The following MARCHF1 variants were observed in gnomAD, a reference collection of about 807,000 sequenced individuals.
MARCHF1 encodes the protein E3 ubiquitin-protein ligase MARCHF1.
In MARCHF1, 40 loss-of-function variants were observed where a neutral mutation model predicts 54.2. That is an observed-to-expected ratio of 0.74 (90% confidence interval 0.57 to 0.96). MARCHF1 has a LOEUF of 0.96. Among genes scored for constraint, MARCHF1 ranks in the 40% least tolerant of loss-of-function variants. The probability of loss-of-function intolerance (pLI) is 0.00; values close to 1 mark genes in which losing one functional copy is unlikely to be tolerated. For missense variants in MARCHF1, 586 were observed against 656.5 expected, an observed-to-expected ratio of 0.89 and a Z score of 1.17; for synonymous variants, 236 against 236.3, an observed-to-expected ratio of 1.00 and a Z score of 0.01.
intron 4 of MARCHF1, among the ~76,000 whole-genome samples, chr4:163,744,442 T>C (rs1746298553): frequency 6.6e-6 from 1 of 152,204 alleles, no homozygotes; most frequent in Non-Finnish European, 1.5e-5. Flanking sequence ...GTCAGCACCA[T>C]GTATTAGAAT....
At chr4:164,063,175 T>C (rs577626621) in intron 2 of MARCHF1, among the ~76,000 whole-genome samples, 1 of 152,266 alleles carries the variant, frequency 6.6e-6, no homozygotes, top group African/African-American at 2.4e-5. Context: ...GAATGGCAAA[T>C]AAGCATTGGC....
intron 4 of MARCHF1, among the ~76,000 whole-genome samples, chr4:163,777,954 T>C (rs1007243213): frequency 6.6e-6 from 1 of 152,194 alleles, no homozygotes; most frequent in South Asian, 2.1e-4. Context: ...TTAGTGGCCA[T>C]TGGCAACCAC....
intron 4 of MARCHF1, among the ~76,000 whole-genome samples, chr4:163,733,161 C>G (rs1745895690): frequency 1.0e-5 from 1 of 98,146 alleles, no homozygotes; most frequent in Non-Finnish European, 2.0e-5. Flanking sequence ...CTCTCTCTCT[C>G]TCTCTCTGTA....
At chr4:164,016,560 G>C (rs145109058) in intron 2 of MARCHF1, among the ~76,000 whole-genome samples, 269 of 152,230 alleles carry the variant, frequency 1.8e-3, no homozygotes, top group African/African-American at 6.0e-3. Flanking sequence ...GCCAGGAAGA[G>C]AAAGACAAAT....
chr4:164,213,630 TATCA>T (rs1731843178), intron 1 of MARCHF1, among the ~76,000 whole-genome samples: 1 of 152,128 alleles, frequency 6.6e-6, no homozygotes, highest in African/African-American at 2.4e-5. Context: ...AAAATTAGGT[TATCA>T]ATATTTTTAA....
chr4:163,859,639 G>T (rs1749868873), intron 3 of MARCHF1, among the ~76,000 whole-genome samples: 1 of 152,094 alleles, frequency 6.6e-6, no homozygotes, highest in Non-Finnish European at 1.5e-5. Context: ...GGGATTATAG[G>T]CATAAGCCAC....
intron 4 of MARCHF1, among the ~76,000 whole-genome samples, chr4:163,785,231 C>T (rs895300689): frequency 3.3e-5 from 5 of 152,034 alleles, no homozygotes; most frequent in African/African-American, 1.2e-4. Flanking sequence ...TGAAGATCTC[C>T]ATAGTCACAA....
rs955456738 is a variant in MARCHF1 at position 164,102,681 on chromosome 4, C to A, written c.-248+8907G>T. Among the ~76,000 whole-genome samples, 1,409 of 151,686 alleles carry A rather than the reference C, an allele frequency of 9.3e-3. 21 individuals carry two copies. The highest frequency in any genetic ancestry group is 0.061 in the East Asian group (314 of 5,164). On this transcript the variant is annotated intron_variant, in intron 2 of 9. Transcript: ENST00000514618. ...AATCATGCCAAAATGTAAAGACCATCGAGACTAGGAAGAAACTGCATCAAC... is the reference window on the plus strand; with the variant it reads ...AATCATGCCAAAATGTAAAGACCATAGAGACTAGGAAGAAACTGCATCAAC...
At chr4:163,627,680 G>GA (rs35911517) in intron 5 of MARCHF1, among the ~76,000 whole-genome samples, 53,470 of 150,018 alleles carry the variant, frequency 0.36, 9,829 homozygotes, top group Non-Finnish European at 0.42. Flanking sequence ...TAGTCTATAG[G>GA]AAAAAAAAAC....
At chr4:164,380,743 C>T (rs1731341821) in intron 1 of MARCHF1, among the ~76,000 whole-genome samples, 1 of 152,194 alleles carries the variant, frequency 6.6e-6, no homozygotes, top group South Asian at 2.1e-4. Flanking sequence ...CGTTGACTTT[C>T]ACTGTTGTAT....
At chr4:163,624,802 A>G (rs1230228905) in intron 5 of MARCHF1, among the ~76,000 whole-genome samples, 2 of 152,304 alleles carry the variant, frequency 1.3e-5, no homozygotes, top group Non-Finnish European at 1.5e-5. Flanking sequence ...CTTTCTTTCA[A>G]TTCAATGCAG....
intron 1 of MARCHF1, among the ~76,000 whole-genome samples, chr4:164,185,719 T>C (rs1035415826): frequency 6.6e-6 from 1 of 151,734 alleles, no homozygotes; most frequent in Admixed American, 6.6e-5. Context: ...CTATACAAAA[T>C]AAATTACTTA....
Position 164,326,785 on chromosome 4 carries a change from TAAA to T in MARCHF1, c.-323+57082_-323+57084del, listed in dbSNP as rs754000703. 2.0e-5 allele frequency among the ~76,000 whole-genome samples: 3 copies of T among 152,200 alleles called. No individual in the cohort carries two copies. In the South Asian group the frequency reaches 6.2e-4, roughly 31 times the overall value. On this transcript the variant is annotated intron_variant, in intron 1 of 9. Transcript: ENST00000514618. ...ACCTTACTTATTCACAGATAGGAGC[TAAA>T]AGTATAGATTCTGGAGCCAAACTAA...
At chr4:164,170,409 G>A (rs998055081) in intron 1 of MARCHF1, among the ~76,000 whole-genome samples, 1 of 151,982 alleles carries the variant, frequency 6.6e-6, no homozygotes, top group Non-Finnish European at 1.5e-5. Context: ...ACTTATAAGG[G>A]ACATTATTAT....
At chr4:163,986,249 CTTTTTTTTTTTT>C (rs869081083) in intron 3 of MARCHF1, among the ~76,000 whole-genome samples, 57 of 28,890 alleles carry the variant, frequency 2.0e-3, no homozygotes, top group East Asian at 0.012. Flanking sequence ...TTAACCTCTT[CTTTTTTTTTTTT>C]TTTTTTTTTT....
chr4:164,304,619 T>C (rs531823232), intron 1 of MARCHF1, among the ~76,000 whole-genome samples: 2 of 152,176 alleles, frequency 1.3e-5, no homozygotes, highest in Non-Finnish European at 2.9e-5. Context: ...ATACCTTATT[T>C]TGAAATAGAT....
intron 2 of MARCHF1, among the ~76,000 whole-genome samples, chr4:164,054,490 G>A (rs1442828685): frequency 6.6e-6 from 1 of 152,038 alleles, no homozygotes; most frequent in Non-Finnish European, 1.5e-5. Context: ...GTTTACTGTG[G>A]CATTATTCAC....
intron 1 of MARCHF1, among the ~76,000 whole-genome samples, chr4:164,150,034 G>T (rs1176712040): frequency 6.6e-6 from 1 of 151,948 alleles, no homozygotes; most frequent in Admixed American, 6.6e-5. Context: ...CTATATTATT[G>T]TCTCATAAAA....
At chr4:163,828,229 A>G (rs1748911371) in intron 4 of MARCHF1, among the ~76,000 whole-genome samples, 1 of 152,192 alleles carries the variant, frequency 6.6e-6, no homozygotes, top group Non-Finnish European at 1.5e-5. Flanking sequence ...GGTTTTTGCC[A>G]TTACTTCTAA....
Sources: gnomAD v4.1 joint callset for allele counts (sites outside exome capture counted in the v4.1 genomes callset) on GRCh38, gnomAD v4.1.1 for gene constraint, MANE v1.5 for transcripts, NCBI Gene and HGNC (gene_info 2026-07-23, HGNC 2026-07-21) for gene names.